The following ECHDC1 variants were observed in gnomAD, a reference collection of about 807,000 sequenced individuals.
The protein encoded by ECHDC1 is ethylmalonyl-CoA decarboxylase 1, also known as ethylmalonyl-CoA decarboxylase.
In ECHDC1, 29 loss-of-function variants were observed where a neutral mutation model predicts 29.7. The ratio of observed to expected loss-of-function variants is 0.98; its 90% confidence interval spans 0.73 to 1.33. ECHDC1 has a LOEUF of 1.33. Ranked by LOEUF, ECHDC1 falls within the 40% of genes most tolerant of loss-of-function variation. The pLI, the probability that ECHDC1 is intolerant of heterozygous loss-of-function variation, is 0.00. For synonymous variants in ECHDC1, 126 were observed against 123.1 expected (o/e 1.02, Z -0.15); for missense variants, 328 against 350.0 (o/e 0.94, Z 0.50).
At chr6:127,299,081 G>C (rs969742207) in intron 5 of ECHDC1, among the ~76,000 whole-genome samples, 1 of 151,646 alleles carries the variant, frequency 6.6e-6, no homozygotes, top group Admixed American at 6.6e-5. Flanking sequence ...TGCCCAGGCT[G>C]GTCTCCAACT....
At chr6:127,301,473 C>T (rs1362640685) in intron 5 of ECHDC1, among the ~76,000 whole-genome samples, 3 of 152,226 alleles carry the variant, frequency 2.0e-5, no homozygotes, top group South Asian at 2.1e-4. Flanking sequence ...TTTTAGCAAA[C>T]GCTATGAAAG....
chr6:127,337,753 T>C (rs915689445), intron 1 of ECHDC1, among the ~76,000 whole-genome samples: 4 of 152,172 alleles, frequency 2.6e-5, no homozygotes, highest in Non-Finnish European at 5.9e-5. Flanking sequence ...GTATTTATGT[T>C]TGTAATCTCC....
At chr6:127,309,589 C>T (rs1781731040) in intron 5 of ECHDC1, among the ~76,000 whole-genome samples, 1 of 151,318 alleles carries the variant, frequency 6.6e-6, no homozygotes, top group Admixed American at 6.6e-5. Flanking sequence ...GGAACCACTA[C>T]CAGAAAACAC....
At chr6:127,326,800 A>C in intron 3 of ECHDC1, 2 of 532,180 alleles carry the variant, frequency 3.8e-6, no homozygotes, top group Non-Finnish European at 3.3e-6. Flanking sequence ...GTTCGCAGAT[A>C]TACTACTAGT....
At chr6:127,333,299 T>G (rs571776547) in intron 1 of ECHDC1, among the ~76,000 whole-genome samples, 79 of 152,330 alleles carry the variant, frequency 5.2e-4, no homozygotes, top group Non-Finnish European at 9.8e-4. Flanking sequence ...GTTTACCTGA[T>G]GTAGTTCCCA....
At chr6:127,329,950 C>T (rs1783770083) in intron 2 of ECHDC1, 1 of 442,356 alleles carries the variant, frequency 2.3e-6, no homozygotes, top group African/African-American at 2.0e-5. Context: ...AAAGGGTTTA[C>T]AGACTATTGA....
intron 5 of ECHDC1, among the ~76,000 whole-genome samples, chr6:127,299,537 G>A (rs888338588): frequency 5.3e-5 from 8 of 151,508 alleles, no homozygotes; most frequent in Admixed American, 2.6e-4. Context: ...AAATACTTTC[G>A]TTCAGCTGTA....
chr6:127,335,240 A>G (rs1159110728), intron 1 of ECHDC1, among the ~76,000 whole-genome samples: 1 of 152,134 alleles, frequency 6.6e-6, no homozygotes. Flanking sequence ...CTGAACACAC[A>G]GTGGGATGTA....
chr6:127,316,490 C>A lies in ECHDC1; in HGVS notation c.376G>T (p.Val126Leu). ...AAGGTGTTTTGCATGAACATGCATACGGCCATTCCATCCTTTAAATAAAAA... is the reference window on the plus strand; with the variant it reads ...AAGGTGTTTTGCATGAACATGCATAAGGCCATTCCATCCTTTAAATAAAAA... ...SLGTPEDGMAVCMFMQNTLTR... is the reference protein window; with the variant it reads ...SLGTPEDGMALCMFMQNTLTR... Residue 126 changes from valine to leucine, a missense_variant, in exon 4 of 6, where the codon GTA becomes TTA. Val to Leu is a conservative substitution (Grantham distance 32). Transcript: ENST00000454859. 6.2e-7 allele frequency: 1 copy of A among 1,601,980 alleles called. No individual in the cohort carries two copies. The highest frequency in any genetic ancestry group is 1.1e-5 in the South Asian group (1 of 88,344).
chr6:127,289,968 C>G lies in ECHDC1; in HGVS notation c.807G>C (p.Leu269Phe), dbSNP rs767144628. 1.9e-6 allele frequency: 3 copies of G among 1,613,640 alleles called. No individual in the cohort carries two copies. The highest frequency in any genetic ancestry group is 2.5e-6 in the Non-Finnish European group (3 of 1,179,716). The change falls in exon 6 of 6, where the codon TTG becomes TTC. Residue 269 changes from leucine to phenylalanine, a missense_variant. Transcript: ENST00000454859. ...KSVCSGRELY[L>F]EEALQNERDL... ...CTCTTTCGTTCTGTAATGCTTCCTCCAAATATAGCTCTCTGCCTGAACAAA... is the reference window on the plus strand; with the variant it reads ...CTCTTTCGTTCTGTAATGCTTCCTCGAAATATAGCTCTCTGCCTGAACAAA...
chr6:127,290,153 C>T lies in ECHDC1; in HGVS notation c.622G>A (p.Gly208Arg). ...TTTTTTGAATCCAGTTTAAGGGCCC[C>T]ACTCAACACTTTGAGAGCTTGTCTA... ...GSRQALKVLS[G>R]ALKLDSKNAL... The change falls in exon 6 of 6, where the codon GGG becomes AGG. Residue 208 changes from glycine (G) to arginine (R), a missense_variant. Coordinates refer to ENST00000454859, the MANE Select transcript of ECHDC1 (RefSeq NM_001002030.2). 2 of 1,613,720 alleles carry T rather than the reference C, an allele frequency of 1.2e-6. No individual in the cohort carries two copies. Among genetic ancestry groups the T allele is most frequent in the Admixed American group, 1.7e-5 (1 of 59,938 alleles).
intron 5 of ECHDC1, among the ~76,000 whole-genome samples, chr6:127,309,825 C>T (rs1781755567): frequency 6.6e-6 from 1 of 152,158 alleles, no homozygotes. Flanking sequence ...CATATCTTCA[C>T]ATGACAGAGC....
At chr6:127,323,331 G>A (rs904299514) in intron 3 of ECHDC1, among the ~76,000 whole-genome samples, 8 of 152,032 alleles carry the variant, frequency 5.3e-5, no homozygotes, top group African/African-American at 1.9e-4. Context: ...GGAAAAATCC[G>A]TCTTTTCAAA....
At chr6:127,338,740 T>G (rs1784652737) in intron 1 of ECHDC1, among the ~76,000 whole-genome samples, 2 of 152,190 alleles carry the variant, frequency 1.3e-5, no homozygotes, top group Admixed American at 1.3e-4. Flanking sequence ...ATATATTACT[T>G]CTATAACAAA....
Position 127,311,669 on chromosome 6 carries a change from CAAAAAAAAAAAAAAAA to C in ECHDC1, c.497+3131_497+3146del, listed in dbSNP as rs71272311. Among the ~76,000 whole-genome samples the C allele has an allele frequency of 8.7e-3, 218 of 25,038 alleles. 1 individual carries two copies. Among genetic ancestry groups the C allele is most frequent in the African/African-American group, 0.018 (192 of 10,710 alleles). 16.4% of individuals were successfully genotyped at this position (25,038 alleles called of 152,430 possible). Reference sequence around the variant, plus strand: ...AGCCTGGGTGACAGAGGCTCTGTCTCAAAAAAAAAAAAAAAAAAAAAAAAAAAAAGAAAAGAAAAAA... The same window carrying C: ...AGCCTGGGTGACAGAGGCTCTGTCTCAAAAAAAAAAAAAGAAAAGAAAAAA... On this transcript the variant is annotated intron_variant, in intron 5 of 5. Coordinates refer to ENST00000454859, the MANE Select transcript of ECHDC1 (RefSeq NM_001002030.2).
At chr6:127,334,539 G>A (rs1005146275) in intron 1 of ECHDC1, among the ~76,000 whole-genome samples, 4 of 151,988 alleles carry the variant, frequency 2.6e-5, no homozygotes, top group African/African-American at 9.7e-5. Context: ...TCAAATTTAA[G>A]GTTTCTCAGT....
intron 1 of ECHDC1, among the ~76,000 whole-genome samples, chr6:127,338,574 A>C (rs574081627): frequency 6.6e-6 from 1 of 152,296 alleles, no homozygotes; most frequent in Admixed American, 6.5e-5. Flanking sequence ...GCAGAAGCAC[A>C]ACCAAAATCA....
rs1779947768 is a variant in ECHDC1, at chr6:127,289,690, A to G, written c.*179T>C. ...GTTCCAGATTACGCAGTAAATACCCAAGTGAGTAATTGGCAAGAAATGAGG... is the reference window on the plus strand; with the variant it reads ...GTTCCAGATTACGCAGTAAATACCCGAGTGAGTAATTGGCAAGAAATGAGG... On this transcript the variant is annotated 3_prime_UTR_variant, in exon 6 of 6. Transcript: ENST00000454859. The G allele has an allele frequency of 7.7e-6, 5 of 646,846 alleles. No homozygotes were observed. In the East Asian group the frequency reaches 1.4e-4, roughly 18 times the overall value. The allele number at this position is 646,846 out of a possible 1,614,324, so 40.1% of individuals were successfully genotyped here.
At chr6:127,328,793 A>G (rs943997171) in intron 2 of ECHDC1, among the ~76,000 whole-genome samples, 9 of 152,094 alleles carry the variant, frequency 5.9e-5, no homozygotes, top group East Asian at 1.9e-4. Context: ...TTGGGAGGCC[A>G]AGGCGGGCAG....
Sources: gnomAD v4.1 joint callset for allele counts (sites outside exome capture counted in the v4.1 genomes callset) on GRCh38, gnomAD v4.1.1 for gene constraint, MANE v1.5 for transcripts, NCBI Gene and HGNC (gene_info 2026-07-23, HGNC 2026-07-21) for gene names.